ZBBX: variants seen among roughly 807,000 people sequenced by gnomAD.
The protein encoded by ZBBX is zinc finger B-box domain containing.
A neutral mutation model predicts 108.5 loss-of-function variants in ZBBX; 101 were observed. The ratio of observed to expected loss-of-function variants is 0.93; its 90% confidence interval spans 0.79 to 1.10. The LOEUF is 1.10. Ranked by LOEUF, ZBBX falls within the 50% of genes least tolerant of loss-of-function variation. The probability of loss-of-function intolerance (pLI) is 0.00; values close to 1 mark genes in which losing one functional copy is unlikely to be tolerated. For missense variants in ZBBX, 1,009 were observed against 941.4 expected (o/e 1.07, Z -0.94); for synonymous variants, 356 against 323.4 (o/e 1.10, Z -1.08).
upstream of ZBBX, among the ~76,000 whole-genome samples, chr3:167,384,637 A>G (rs923146256): frequency 8.5e-5 from 13 of 152,098 alleles, no homozygotes; most frequent in Non-Finnish European, 1.5e-4. Context: ...AAATTGTCCA[A>G]GGATTTCTCG....
At chr3:167,338,240 T>C (rs1739909934) in intron 9 of ZBBX, among the ~76,000 whole-genome samples, 1 of 152,196 alleles carries the variant, frequency 6.6e-6, no homozygotes, top group African/African-American at 2.4e-5. Context: ...TTTTTCTGCC[T>C]AGAATGATAT....
intron 16 of ZBBX, among the ~76,000 whole-genome samples, chr3:167,307,680 C>T (rs902531708): frequency 2.2e-4 from 34 of 152,102 alleles, no homozygotes; most frequent in Non-Finnish European, 4.3e-4. Flanking sequence ...GCTATCTGAC[C>T]TTCAACAAAC....
chr3:167,192,346 G>A, the ZBBX span, among the ~76,000 whole-genome samples: 1 of 152,060 alleles, frequency 6.6e-6, no homozygotes, highest in Non-Finnish European at 1.5e-5. Flanking sequence ...GTTTGTCTAG[G>A]AAAGACTTTA....
intron 17 of ZBBX, among the ~76,000 whole-genome samples, chr3:167,300,619 T>C (rs2108196138): frequency 1.3e-5 from 2 of 151,604 alleles, no homozygotes; most frequent in South Asian, 4.2e-4. Context: ...CTTTTTTTTT[T>C]TTTTTACGAG....
rs774395276 is a variant in ZBBX, at chr3:167,368,515, T to G, written c.128A>C (p.Glu43Ala). 6.2e-7 allele frequency: 1 copy of G among 1,612,590 alleles called. No homozygotes were observed. Among genetic ancestry groups the G allele is most frequent in the South Asian group, 1.1e-5 (1 of 90,998 alleles). Residue 43 changes from glutamate (E) to alanine (A), a missense_variant, in exon 5 of 22, where the codon GAG becomes GCG. Coordinates refer to ENST00000675490, the MANE Select transcript of ZBBX (RefSeq NM_001199201.2). The stretch of plus-strand genomic sequence containing the variant: ...GGATCGGAATTCTTGCAGTTTCTTC[T>G]CCATCTCTTGGTTCTCAAACTCTAA... ...VQLEFENQEM[E>A]KKLQEFRSTR...
the ZBBX span, among the ~76,000 whole-genome samples, chr3:167,212,028 T>G: frequency 0.02 from 3,091 of 152,246 alleles, 79 homozygotes; most frequent in South Asian, 0.075. Flanking sequence ...TCCTCCTCAC[T>G]GGGTGGGATC....
In ZBBX at chr3:167,295,710, AAT is replaced by A. The variant is rs1181996279; in HGVS notation, c.1879+2593_1879+2594del. On this transcript the variant is annotated intron_variant, in intron 18 of 21. Coordinates refer to ENST00000675490, the MANE Select transcript of ZBBX (RefSeq NM_001199201.2). ...AAATCATGAAGAAACAAAAAATTGGAATATATATATATATATATATATATATA... is the reference window on the plus strand; with the variant it reads ...AAATCATGAAGAAACAAAAAATTGGAATATATATATATATATATATATATA... 2.3e-3 allele frequency among the ~76,000 whole-genome samples: 180 copies of A among 78,936 alleles called. 3 individuals carry two copies. The highest frequency in any genetic ancestry group is 3.4e-3 in the Non-Finnish European group (143 of 42,202). The allele number at this position is 78,936 out of a possible 152,430, so 51.8% of individuals were successfully genotyped here. A position where few individuals can be genotyped will look rare whatever the true frequency, so the allele number is the denominator to read the frequency against.
At chr3:167,270,766 C>T (rs749609862) in intron 20 of ZBBX, among the ~76,000 whole-genome samples, 13 of 150,480 alleles carry the variant, frequency 8.6e-5, no homozygotes, top group Non-Finnish European at 1.9e-4. Flanking sequence ...AGGTGGCTTA[C>T]TGACTCCAGA....
chr3:167,340,007 G>A (rs1318774626), intron 9 of ZBBX, among the ~76,000 whole-genome samples: 2 of 152,026 alleles, frequency 1.3e-5, no homozygotes, highest in African/African-American at 4.8e-5. Flanking sequence ...AGCAACACAT[G>A]TATACTGAAG....
At chr3:167,335,520 G>C (rs1739406479) in intron 9 of ZBBX, among the ~76,000 whole-genome samples, 1 of 151,842 alleles carries the variant, frequency 6.6e-6, no homozygotes, top group Non-Finnish European at 1.5e-5. Flanking sequence ...AGGAAGACAG[G>C]AAGTAGCTCT....
chr3:167,193,734 T>C, the ZBBX span, among the ~76,000 whole-genome samples: 6 of 152,248 alleles, frequency 3.9e-5, no homozygotes, highest in African/African-American at 9.6e-5. Flanking sequence ...TAAGTGTTCA[T>C]CAACAAATGA....
chr3:167,236,203 T>C (rs1720225131), downstream of ZBBX, among the ~76,000 whole-genome samples: 2 of 151,726 alleles, frequency 1.3e-5, no homozygotes, highest in Non-Finnish European at 3.0e-5. Flanking sequence ...TTTTTAAAAA[T>C]TAATTTATAT....
chr3:167,360,201 C>T lies in ZBBX; in HGVS notation c.323-222G>A, dbSNP rs202193754. ...ATTTTTTCTACCAAACTATATTAAT[C>T]ATGCAACATTTGTGTTTACTATCCT... On this transcript the variant is annotated intron_variant, in intron 7 of 21. Transcript: ENST00000675490. 2.4e-4 allele frequency among the ~76,000 whole-genome samples: 35 copies of T among 148,624 alleles called. No individual in the cohort carries two copies. In the East Asian group the frequency reaches 5.9e-3, roughly 25 times the overall value.
At chr3:167,228,456 T>C in the ZBBX span, among the ~76,000 whole-genome samples, 2 of 151,874 alleles carry the variant, frequency 1.3e-5, no homozygotes, top group South Asian at 4.1e-4. Context: ...CTTAGAACAG[T>C]GCTATTTAAA....
chr3:167,208,653 G>T, the ZBBX span, among the ~76,000 whole-genome samples: 1 of 152,198 alleles, frequency 6.6e-6, no homozygotes, highest in Non-Finnish European at 1.5e-5. Context: ...TCAATGATCA[G>T]CAGTCATAGC....
downstream of ZBBX, among the ~76,000 whole-genome samples, chr3:167,237,566 G>T (rs1225020724): frequency 1.3e-5 from 2 of 151,878 alleles, no homozygotes; most frequent in Admixed American, 1.3e-4. Context: ...GCTTTAAAAT[G>T]AGAGAACACA....
upstream of ZBBX, among the ~76,000 whole-genome samples, chr3:167,383,763 A>T (rs1314309913): frequency 1.3e-5 from 2 of 152,142 alleles, no homozygotes; most frequent in Non-Finnish European, 2.9e-5. Flanking sequence ...AAATTTAATC[A>T]ACATTTATTC....
chr3:167,184,061 G>T, the ZBBX span, among the ~76,000 whole-genome samples: 1 of 152,166 alleles, frequency 6.6e-6, no homozygotes, highest in Non-Finnish European at 1.5e-5. Context: ...GCAATTCTAT[G>T]TTTAATTGAT....
chr3:167,249,627 C>A (rs907423985), intron 20 of ZBBX, among the ~76,000 whole-genome samples: 2 of 152,180 alleles, frequency 1.3e-5, no homozygotes, highest in Non-Finnish European at 2.9e-5. Context: ...TAAGGGGGAT[C>A]TTGGCAAGTT....
Sources: allele counts gnomAD v4.1 joint callset (sites outside exome capture counted in the v4.1 genomes callset), GRCh38; gene constraint gnomAD v4.1.1; transcripts MANE v1.5; gene names NCBI Gene and HGNC (gene_info 2026-07-23, HGNC 2026-07-21).